CTIF: variants seen among roughly 807,000 people sequenced by gnomAD.
The protein encoded by CTIF is cap binding complex dependent translation initiation factor.
CTIF carries 21 observed loss-of-function variants against 66.0 expected under a neutral mutation model. That is an observed-to-expected ratio of 0.32 (90% CI 0.23 to 0.46). CTIF has a LOEUF of 0.46. Ranked by LOEUF, CTIF falls within the 20% of genes least tolerant of loss-of-function variation. The probability of loss-of-function intolerance (pLI) is 1.00; values close to 1 mark genes in which losing one functional copy is unlikely to be tolerated. For missense variants in CTIF, 739 were observed against 812.7 expected, an observed-to-expected ratio of 0.91 and a Z score of 1.10; for synonymous variants, 345 against 326.4, an observed-to-expected ratio of 1.06 and a Z score of -0.62.
At chr18:48,840,073 A>G (rs2337101) in intron 10 of CTIF, among the ~76,000 whole-genome samples, 7,426 of 152,254 alleles carry the variant, frequency 0.049, 569 homozygotes, top group African/African-American at 0.17. Flanking sequence ...TCTTCTGGCT[A>G]CGGAGGTCAG....
intron 7 of CTIF, among the ~76,000 whole-genome samples, chr18:48,742,165 G>T (rs1463116032): frequency 1.3e-5 from 2 of 152,224 alleles, no homozygotes; most frequent in African/African-American, 2.4e-5. Context: ...TTTCTCATGG[G>T]CCAGGGTGAC....
intron 1 of CTIF, among the ~76,000 whole-genome samples, chr18:48,587,667 C>T (rs2089801828): frequency 6.6e-6 from 1 of 152,202 alleles, no homozygotes; most frequent in South Asian, 2.1e-4. Context: ...GAGGCTGTGA[C>T]TAAGTAAACT....
intron 7 of CTIF, 46 bp from the exon 8 acceptor site, chr18:48,757,873 G>A (rs1351503145): frequency 6.3e-7 from 1 of 1,575,278 alleles, no homozygotes; most frequent in Non-Finnish European, 8.6e-7. Flanking sequence ...ACTCTGACCA[G>A]CCCGCCCAGT....
chr18:48,823,895 G>A (rs1437964474), intron 10 of CTIF, among the ~76,000 whole-genome samples: 1 of 151,352 alleles, frequency 6.6e-6, no homozygotes, highest in African/African-American at 2.4e-5. Context: ...GAAATAAAAA[G>A]CATCCAAATC....
chr18:48,539,887 CTGCGGGAGGGACCCCGAGAGT>C (rs2088564701), intron 1 of CTIF: 1 of 152,438 alleles, frequency 6.6e-6, no homozygotes, highest in Non-Finnish European at 1.5e-5. Context: ...GCACTCGGGG[CTGCGGGAGGGACCCCGAGAGT>C]GTGTCGCCAC....
chr18:48,823,790 A>G (rs974500748), intron 10 of CTIF, among the ~76,000 whole-genome samples: 5 of 152,220 alleles, frequency 3.3e-5, no homozygotes, highest in African/African-American at 1.2e-4. Context: ...AAATCTTCCA[A>G]TCAAAGATCA....
intron 6 of CTIF, among the ~76,000 whole-genome samples, chr18:48,697,821 A>T (rs1219718328): frequency 6.6e-6 from 1 of 151,554 alleles, no homozygotes; most frequent in Non-Finnish European, 1.5e-5. Context: ...CTAAGGGATC[A>T]CCTCCTCCTG....
chr18:48,634,845 A>T (rs2090784010), intron 2 of CTIF, among the ~76,000 whole-genome samples: 1 of 152,250 alleles, frequency 6.6e-6, no homozygotes, highest in Non-Finnish European at 1.5e-5. Context: ...AATGTGGCTC[A>T]TCCAAACTGA....
intron 6 of CTIF, among the ~76,000 whole-genome samples, chr18:48,704,553 T>C (rs1029394503): frequency 1.3e-5 from 2 of 152,092 alleles, no homozygotes; most frequent in African/African-American, 4.8e-5. Flanking sequence ...AAAGCAGAAT[T>C]CCCACATCAA....
At chr18:48,855,182 G>T (rs1267089818) in intron 10 of CTIF, among the ~76,000 whole-genome samples, 1 of 152,226 alleles carries the variant, frequency 6.6e-6, no homozygotes, top group Admixed American at 6.5e-5. Flanking sequence ...TCTCTACAGT[G>T]TGATCAAGGA....
At position 48,539,182 on chromosome 18, in the gene CTIF, C is replaced by T. The variant is rs2088543660; in HGVS notation, c.-159C>T. 1 of 151,134 alleles carries T rather than the reference C, an allele frequency of 6.6e-6. No individual in the cohort carries two copies. Among genetic ancestry groups the T allele is most frequent in the African/African-American group, 2.4e-5 (1 of 41,058 alleles). 9.4% of individuals were successfully genotyped at this position (151,134 alleles called of 1,614,324 possible). Reference sequence around the variant, plus strand: ...TCTGTGCGCTGGGGCGCCCGATCCCCTCCGCAGCTGGGACGCTCCGAACTC... The same window carrying T: ...TCTGTGCGCTGGGGCGCCCGATCCCTTCCGCAGCTGGGACGCTCCGAACTC... On this transcript the variant is annotated 5_prime_UTR_variant, in exon 1 of 12. Coordinates refer to ENST00000256413, the MANE Select transcript of CTIF (RefSeq NM_014772.3).
intron 7 of CTIF, among the ~76,000 whole-genome samples, chr18:48,739,492 C>G (rs2092536086): frequency 6.6e-6 from 1 of 152,236 alleles, no homozygotes; most frequent in African/African-American, 2.4e-5. Context: ...TGCTCTGGCC[C>G]TGGCTCTGCC....
chr18:48,708,247 C>G (rs2092183489), intron 6 of CTIF, among the ~76,000 whole-genome samples: 1 of 152,200 alleles, frequency 6.6e-6, no homozygotes, highest in Non-Finnish European at 1.5e-5. Context: ...AGCTGCACAT[C>G]TGGTGACAGG....
At chr18:48,575,960 T>C (rs1199711531) in intron 1 of CTIF, among the ~76,000 whole-genome samples, 4 of 152,206 alleles carry the variant, frequency 2.6e-5, no homozygotes, top group East Asian at 1.9e-4. Flanking sequence ...CCACAAACAT[T>C]TGTGGAGACC....
intron 7 of CTIF, among the ~76,000 whole-genome samples, chr18:48,714,673 G>A (rs1162045504): frequency 6.6e-6 from 1 of 152,172 alleles, no homozygotes; most frequent in South Asian, 2.1e-4. Context: ...GTGCCTTACT[G>A]CTTTTATTTT....
chr18:48,686,709 G>A (rs946432940), intron 6 of CTIF, among the ~76,000 whole-genome samples: 1 of 152,152 alleles, frequency 6.6e-6, no homozygotes, highest in African/African-American at 2.4e-5. Flanking sequence ...CTCATATTTA[G>A]ACTTCGATCT....
chr18:48,592,811 G>C (rs866321775), intron 1 of CTIF, among the ~76,000 whole-genome samples: 2 of 152,204 alleles, frequency 1.3e-5, no homozygotes, highest in East Asian at 3.9e-4. Flanking sequence ...ATCCAAGCCT[G>C]CCTGCCGTTC....
At chr18:48,602,209 CTCA>C (rs1446620286) in intron 1 of CTIF, among the ~76,000 whole-genome samples, 1 of 152,192 alleles carries the variant, frequency 6.6e-6, no homozygotes, top group African/African-American at 2.4e-5. Context: ...ACAAAAGGGT[CTCA>C]TCATGATTTA....
chr18:48,654,922 A>C (rs2091219329), intron 3 of CTIF, among the ~76,000 whole-genome samples: 1 of 152,018 alleles, frequency 6.6e-6, no homozygotes, highest in Non-Finnish European at 1.5e-5. Context: ...GGAACTGAAC[A>C]ATGAGAACAC....
Sources: allele counts gnomAD v4.1 joint callset (sites outside exome capture counted in the v4.1 genomes callset), GRCh38; gene constraint gnomAD v4.1.1; transcripts MANE v1.5; gene names NCBI Gene and HGNC (gene_info 2026-07-23, HGNC 2026-07-21).